CACNB4: variants seen among roughly 807,000 people sequenced by gnomAD.
The protein encoded by CACNB4 is voltage-dependent L-type calcium channel subunit beta-4.
In CACNB4, 32 loss-of-function variants were observed where a neutral mutation model predicts 71.2. The ratio of observed to expected loss-of-function variants is 0.45; its 90% CI spans 0.34 to 0.60. The LOEUF (loss-of-function observed/expected upper bound fraction) is 0.60. Among genes scored for constraint, CACNB4 ranks in the 20% least tolerant of loss-of-function variants. The pLI, the probability that CACNB4 is intolerant of heterozygous loss-of-function variation, is 0.01. For synonymous variants in CACNB4, 231 were observed against 236.9 expected (o/e 0.97, Z 0.23); for missense variants, 464 against 647.9 (o/e 0.72, Z 3.08).
chr2:151,834,654 A>G lies in CACNB4; in HGVS notation c.*4465T>C, dbSNP rs2099834501. 1 of 152,006 alleles carries G rather than the reference A, an allele frequency of 6.6e-6. No individual in the cohort carries two copies. Among genetic ancestry groups the G allele is most frequent in the Non-Finnish European group, 1.5e-5 (1 of 67,858 alleles). The allele number at this position is 152,006 out of a possible 1,614,324, so 9.4% of individuals were successfully genotyped here. A position where few individuals can be genotyped will look rare whatever the true frequency, so the allele number is the denominator to read the frequency against. ...TTTGACTAACTTGACTGCTTAAGTC[A>G]AAAAGAAGGTTATCCTTATTGTCTG... On this transcript the variant is annotated 3_prime_UTR_variant, in exon 14 of 14. Coordinates refer to ENST00000539935, the MANE Select transcript of CACNB4 (RefSeq NM_000726.5).
intron 2 of CACNB4, among the ~76,000 whole-genome samples, chr2:151,999,678 A>T (rs1682285026): frequency 6.6e-6 from 1 of 152,188 alleles, no homozygotes; most frequent in African/African-American, 2.4e-5. Context: ...CTTGTAGAGT[A>T]AAAATAAATC....
intron 2 of CACNB4, among the ~76,000 whole-genome samples, chr2:151,896,277 T>C (rs1267828677): frequency 6.6e-6 from 1 of 152,228 alleles, no homozygotes; most frequent in African/African-American, 2.4e-5. Context: ...TTCTAGGTGA[T>C]ATCGCCTTGT....
chr2:151,902,163 C>T (rs1449214821), intron 2 of CACNB4, among the ~76,000 whole-genome samples: 3 of 151,204 alleles, frequency 2.0e-5, no homozygotes, highest in Non-Finnish European at 4.4e-5. Context: ...ACTTTTCAAG[C>T]TGGGATCACA....
intron 2 of CACNB4, among the ~76,000 whole-genome samples, chr2:151,975,715 C>T (rs1401293967): frequency 1.3e-5 from 2 of 152,214 alleles, no homozygotes; most frequent in Non-Finnish European, 2.9e-5. Context: ...GTGTCAGACT[C>T]TTATTTTAAT....
intron 2 of CACNB4, among the ~76,000 whole-genome samples, chr2:151,961,459 C>T (rs1268252108): frequency 2.6e-5 from 4 of 152,234 alleles, no homozygotes; most frequent in Non-Finnish European, 5.9e-5. Flanking sequence ...GTCAAAGCAA[C>T]AGTACAGGAA....
At chr2:151,887,202 T>C (rs1381346502) in intron 2 of CACNB4, among the ~76,000 whole-genome samples, 2 of 151,818 alleles carry the variant, frequency 1.3e-5, no homozygotes, top group East Asian at 3.9e-4. Context: ...AGCTTATAAT[T>C]TTCTAGCATT....
chr2:151,982,503 T>A (rs4664515), intron 2 of CACNB4, among the ~76,000 whole-genome samples: 3 of 151,780 alleles, frequency 2.0e-5, no homozygotes, highest in South Asian at 2.1e-4. Context: ...GCGTGGTGGC[T>A]GGCGCCTGTA....
chr2:151,911,066 T>C (rs1460142292), intron 2 of CACNB4, among the ~76,000 whole-genome samples: 1 of 152,222 alleles, frequency 6.6e-6, no homozygotes, highest in Non-Finnish European at 1.5e-5. Context: ...TTTGCAGTGA[T>C]TGTGAATGGG....
chr2:151,999,221 T>G (rs1579100196), intron 2 of CACNB4, among the ~76,000 whole-genome samples: 1 of 152,244 alleles, frequency 6.6e-6, no homozygotes, highest in East Asian at 1.9e-4. Context: ...CCCAGAACGG[T>G]GCTCCCCTTG....
chr2:152,026,912 CTT>C (rs60945553), intron 2 of CACNB4, among the ~76,000 whole-genome samples: 1 of 146,880 alleles, frequency 6.8e-6, no homozygotes. Flanking sequence ...AATTATCTTT[CTT>C]TTTTTTTTTT....
chr2:152,040,125 A>T (rs538711956), intron 2 of CACNB4, among the ~76,000 whole-genome samples: 2 of 152,314 alleles, frequency 1.3e-5, no homozygotes, highest in South Asian at 4.1e-4. Context: ...ATTCTGAATA[A>T]ATTAGCTGGG....
intron 9 of CACNB4, chr2:151,865,766 C>T (rs1578523231): frequency 1.6e-5 from 1 of 61,540 alleles, no homozygotes; most frequent in African/African-American, 6.2e-5. Context: ...TTGTGTTTTT[C>T]TTTTTCTTTC....
At chr2:152,062,651 G>A (rs1438783332) in intron 2 of CACNB4, among the ~76,000 whole-genome samples, 1 of 152,102 alleles carries the variant, frequency 6.6e-6, no homozygotes, top group Non-Finnish European at 1.5e-5. Flanking sequence ...CACTGAACGT[G>A]GAACGGCTCT....
intron 2 of CACNB4, among the ~76,000 whole-genome samples, chr2:152,010,211 G>C (rs1682978637): frequency 6.6e-6 from 1 of 152,154 alleles, no homozygotes; most frequent in African/African-American, 2.4e-5. Flanking sequence ...GTAGATGTTA[G>C]GGAAGTAAGC....
At chr2:151,846,273 T>G (rs950371011) in intron 12 of CACNB4, among the ~76,000 whole-genome samples, 1 of 152,174 alleles carries the variant, frequency 6.6e-6, no homozygotes, top group Non-Finnish European at 1.5e-5. Flanking sequence ...GAAGATACAG[T>G]GCTCTCCGGG....
At chr2:151,962,577 T>C (rs925894046) in intron 2 of CACNB4, among the ~76,000 whole-genome samples, 2 of 152,248 alleles carry the variant, frequency 1.3e-5, no homozygotes, top group African/African-American at 4.8e-5. Context: ...CGGATGCTCA[T>C]GGCTAAGGCC....
chr2:152,054,729 C>T (rs1685637156), intron 2 of CACNB4, among the ~76,000 whole-genome samples: 1 of 152,076 alleles, frequency 6.6e-6, no homozygotes. Context: ...ATATTCTTGC[C>T]AAAAATTATC....
intron 2 of CACNB4, among the ~76,000 whole-genome samples, chr2:151,914,572 C>A (rs2099856997): frequency 6.6e-6 from 1 of 152,172 alleles, no homozygotes. Flanking sequence ...GGGTTTTCAG[C>A]ATTTTTCATT....
At chr2:151,894,266 T>G (rs1268229760) in intron 2 of CACNB4, among the ~76,000 whole-genome samples, 2 of 152,246 alleles carry the variant, frequency 1.3e-5, no homozygotes, top group African/African-American at 4.8e-5. Context: ...ATCCCAGGGA[T>G]GCAAGGATGA....
Sources: gnomAD v4.1 joint callset for allele counts (sites outside exome capture counted in the v4.1 genomes callset) on GRCh38, gnomAD v4.1.1 for gene constraint, MANE v1.5 for transcripts, NCBI Gene and HGNC (gene_info 2026-07-23, HGNC 2026-07-21) for gene names.